The following ADAM20 variants were observed in gnomAD, a reference collection of about 807,000 sequenced individuals.
ADAM20 encodes ADAM metallopeptidase domain 20, also known as disintegrin and metalloproteinase domain-containing protein 20.
For synonymous variants in ADAM20, 305 were observed against 310.2 expected, an observed-to-expected ratio of 0.98 and a Z score of 0.18; for missense variants, 871 against 883.2, an observed-to-expected ratio of 0.99 and a Z score of 0.18.
At chr14:70,556,722 T>C in the ADAM20 span, 1 of 152,112 alleles carries the variant, frequency 6.6e-6, no homozygotes, top group Admixed American at 6.5e-5. Flanking sequence ...ATGCAGAAAA[T>C]ACAGTATTCA....
At chr14:70,546,213 GA>G in the ADAM20 span, among the ~76,000 whole-genome samples, 1 of 152,174 alleles carries the variant, frequency 6.6e-6, no homozygotes, top group Non-Finnish European at 1.5e-5. Context: ...GCCATACTAA[GA>G]GAGAAGTTTA....
At position 70,524,281 on chromosome 14, in the gene ADAM20, A is replaced by G. The variant is rs761550326; in HGVS notation, c.477T>C (p.Tyr159=). The G allele has an allele frequency of 2.5e-6, 4 of 1,614,006 alleles. No individual in the cohort carries two copies. Among genetic ancestry groups the G allele is most frequent in the Non-Finnish European group, 3.4e-6 (4 of 1,179,942 alleles). The change falls in exon 2 of 2, where the codon TAT becomes TAC. Residue 159 remains tyrosine (Y), a synonymous_variant. Transcript: ENST00000256389. ...ACTGTGTATCATCACTGTCTATCTTATATACTAGGTGTTCAAATGTGGCAG... is the reference window on the plus strand; with the variant it reads ...ACTGTGTATCATCACTGTCTATCTTGTATACTAGGTGTTCAAATGTGGCAG... ...SVSATFEHLV[Y]KIDSDDTQFP...
chr14:70,534,590 C>T (rs1319540914), intron 1 of ADAM20, among the ~76,000 whole-genome samples: 3 of 151,934 alleles, frequency 2.0e-5, no homozygotes, highest in Admixed American at 6.6e-5. Flanking sequence ...AGAATGATTC[C>T]ACTTACGAGG....
the ADAM20 span, among the ~76,000 whole-genome samples, chr14:70,555,022 G>A: frequency 6.6e-6 from 1 of 152,202 alleles, no homozygotes; most frequent in Admixed American, 6.5e-5. Flanking sequence ...TAAATGGAGA[G>A]GATGAAGTGA....
At position 70,522,650 on chromosome 14, in the gene ADAM20, A is replaced by G. The variant is rs1883476167; in HGVS notation, c.2108T>C (p.Val703Ala). The G allele has an allele frequency of 6.2e-7, 1 of 1,613,906 alleles. No individual in the cohort carries two copies. The highest frequency in any genetic ancestry group is 8.5e-7 in the Non-Finnish European group (1 of 1,179,898). Residue 703 changes from valine to alanine, a missense_variant, in exon 2 of 2, where the codon GTT becomes GCT. Transcript: ENST00000256389. ...YLSLLCLLPLVAFLLFCLHVL... is the reference protein window; with the variant it reads ...YLSLLCLLPLAAFLLFCLHVL... Reference sequence around the variant, plus strand: ...ATGTAAGCAAAATAATAAAAAAGCAACCAAAGGAAGAAGGCACAATAGTGA... The same window carrying G: ...ATGTAAGCAAAATAATAAAAAAGCAGCCAAAGGAAGAAGGCACAATAGTGA...
In ADAM20 at chr14:70,522,452, T is replaced by C; in HGVS notation, c.*125A>G. On this transcript the variant is annotated 3_prime_UTR_variant, in exon 2 of 2. Transcript: ENST00000256389. ...TTGCTGTGATAGCTAATGCTTGCAA[T>C]CCTGACATGAAATGTCCATGAAGTT... 1.0e-6 allele frequency: 1 copy of C among 985,598 alleles called. No individual in the cohort carries two copies. The highest frequency in any genetic ancestry group is 1.8e-5 in the South Asian group (1 of 55,724). 61.1% of individuals were successfully genotyped at this position (985,598 alleles called of 1,614,324 possible).
chr14:70,558,582 A>G, the ADAM20 span, among the ~76,000 whole-genome samples: 130 of 152,260 alleles, frequency 8.5e-4, 2 homozygotes, highest in Non-Finnish European at 1.0e-3. Context: ...AGAAACAGAT[A>G]AGAGTACAGA....
At chr14:70,559,258 TCTATC>T in the ADAM20 span, among the ~76,000 whole-genome samples, 1 of 150,468 alleles carries the variant, frequency 6.6e-6, no homozygotes, top group East Asian at 1.9e-4. Flanking sequence ...TAATCCCAAC[TCTATC>T]CTTCAAGTTG....
chr14:70,553,347 GA>G, the ADAM20 span, among the ~76,000 whole-genome samples: 7,297 of 57,512 alleles, frequency 0.13, 386 homozygotes, highest in African/African-American at 0.23. Flanking sequence ...TAGCAGAATT[GA>G]AAAAAAAAAA....
the ADAM20 span, among the ~76,000 whole-genome samples, chr14:70,553,347 G>GAAAAA: frequency 3.5e-5 from 2 of 57,642 alleles, no homozygotes; most frequent in Non-Finnish European, 6.5e-5. Context: ...TAGCAGAATT[G>GAAAAA]AAAAAAAAAA....
intron 1 of ADAM20, among the ~76,000 whole-genome samples, chr14:70,533,614 A>C (rs1415797249): frequency 6.6e-6 from 1 of 152,096 alleles, no homozygotes; most frequent in African/African-American, 2.4e-5. Context: ...ATGGGGGGCA[A>C]GGGAAGGGAG....
At chr14:70,555,616 ATTTAGTTTTACCTTCTTT>A in the ADAM20 span, among the ~76,000 whole-genome samples, 1 of 152,184 alleles carries the variant, frequency 6.6e-6, no homozygotes, top group Admixed American at 6.5e-5. Context: ...CTTATTGAAA[ATTTAGTTTTACCTTCTTT>A]TTTTCACGAC....
chr14:70,538,107 T>C (rs752781254), upstream of ADAM20, among the ~76,000 whole-genome samples: 12 of 152,106 alleles, frequency 7.9e-5, no homozygotes, highest in Non-Finnish European at 1.8e-4. Context: ...TGCATCATGA[T>C]GCTCCTCATC....
Position 70,525,018 on chromosome 14 carries a change from A to G in ADAM20, c.-176-85T>C, listed in dbSNP as rs1017130846. 5 of 1,193,796 alleles carry G rather than the reference A, an allele frequency of 4.2e-6. No individual in the cohort carries two copies. In the African/African-American group the frequency reaches 7.7e-5, roughly 18 times the overall value. The allele number at this position is 1,193,796 out of a possible 1,614,324, so 74.0% of individuals were successfully genotyped here. A position where few individuals can be genotyped will look rare whatever the true frequency, so the allele number is the denominator to read the frequency against. ...GCAAAGTGATTCCTGCATTTGGACC[A>G]TATTTGAAGCAATAAAATGCATTAG... is the stretch of plus-strand genomic sequence containing the variant. On this transcript the variant is annotated intron_variant, in intron 1 of 1. Coordinates refer to ENST00000256389, the MANE Select transcript of ADAM20 (RefSeq NM_003814.5).
chr14:70,546,139 A>C, the ADAM20 span, among the ~76,000 whole-genome samples: 2 of 152,236 alleles, frequency 1.3e-5, no homozygotes, highest in African/African-American at 4.8e-5. Flanking sequence ...AGAAAATTGA[A>C]AAATTTCTTG....
the ADAM20 span, among the ~76,000 whole-genome samples, chr14:70,565,030 C>T: frequency 4.7e-5 from 7 of 150,226 alleles, no homozygotes; most frequent in African/African-American, 1.7e-4. Context: ...CTCTGGGCAA[C>T]AAACACAGCA....
At chr14:70,577,191 T>A in the ADAM20 span, among the ~76,000 whole-genome samples, 1 of 152,202 alleles carries the variant, frequency 6.6e-6, no homozygotes, top group South Asian at 2.1e-4. Flanking sequence ...TATTACAGGC[T>A]AATCTTAAGT....
the ADAM20 span, among the ~76,000 whole-genome samples, chr14:70,545,724 T>C: frequency 6.6e-6 from 1 of 152,184 alleles, no homozygotes; most frequent in Non-Finnish European, 1.5e-5. Flanking sequence ...AAGCAAATAT[T>C]ATTAGAGCTA....
At chr14:70,567,811 G>T in the ADAM20 span, among the ~76,000 whole-genome samples, 1 of 152,142 alleles carries the variant, frequency 6.6e-6, no homozygotes, top group East Asian at 1.9e-4. Context: ...GGAACCAAAA[G>T]TATTTATGAA....
Sources: gnomAD v4.1 joint callset for allele counts (sites outside exome capture counted in the v4.1 genomes callset) on GRCh38, gnomAD v4.1.1 for gene constraint, MANE v1.5 for transcripts, NCBI Gene and HGNC (gene_info 2026-07-23, HGNC 2026-07-21) for gene names.